GABRG3: variants seen among roughly 807,000 people sequenced by gnomAD.
GABRG3 encodes gamma-aminobutyric acid receptor subunit gamma-3.
GABRG3 carries 25 observed loss-of-function variants against 48.8 expected under a neutral mutation model. The observed-to-expected ratio is 0.51, with a 90% CI of 0.37 to 0.72. The LOEUF is 0.72. Ranked by LOEUF, GABRG3 falls within the 30% of genes least tolerant of loss-of-function variation. The pLI is 0.00. For synonymous variants in GABRG3, 227 were observed against 217.6 expected (o/e 1.04, Z -0.38); for missense variants, 394 against 577.9 (o/e 0.68, Z 3.26).
intron 3 of GABRG3, among the ~76,000 whole-genome samples, chr15:27,106,159 G>A (rs1255238809): frequency 6.6e-6 from 1 of 152,008 alleles, no homozygotes; most frequent in African/African-American, 2.4e-5. Flanking sequence ...TATATCAGAG[G>A]ATACAAAGTA....
intron 3 of GABRG3, among the ~76,000 whole-genome samples, chr15:27,136,783 T>A (rs1898015809): frequency 6.6e-6 from 1 of 152,114 alleles, no homozygotes; most frequent in East Asian, 1.9e-4. Flanking sequence ...AAGGGGTAAG[T>A]CACAACATCT....
intron 3 of GABRG3, among the ~76,000 whole-genome samples, chr15:27,093,592 G>C (rs1264554270): frequency 2.0e-5 from 3 of 152,066 alleles, no homozygotes; most frequent in East Asian, 1.9e-4. Context: ...GATTATGCAT[G>C]GTCGTAGCTA....
At chr15:27,346,007 T>C (rs1362465048) in intron 5 of GABRG3, among the ~76,000 whole-genome samples, 3 of 148,986 alleles carry the variant, frequency 2.0e-5, no homozygotes, top group Non-Finnish European at 4.4e-5. Flanking sequence ...TGAGCCAAGA[T>C]TGCACTGCTG....
chr15:27,090,487 G>A (rs757460310), intron 3 of GABRG3, among the ~76,000 whole-genome samples: 40 of 152,088 alleles, frequency 2.6e-4, no homozygotes, highest in African/African-American at 6.3e-4. Flanking sequence ...CAGCTGCACC[G>A]TTTTACAGTT....
intron 6 of GABRG3, among the ~76,000 whole-genome samples, chr15:27,516,271 G>C (rs992999791): frequency 6.6e-6 from 1 of 152,068 alleles, no homozygotes; most frequent in Admixed American, 6.5e-5. Flanking sequence ...TAAACTAATT[G>C]TATGAAGTGT....
At chr15:27,164,359 A>C (rs577058093) in intron 3 of GABRG3, among the ~76,000 whole-genome samples, 46 of 152,292 alleles carry the variant, frequency 3.0e-4, no homozygotes, top group African/African-American at 1.1e-3. Context: ...CGGTAAATCA[A>C]AGTTGTCATT....
intron 5 of GABRG3, among the ~76,000 whole-genome samples, chr15:27,460,383 A>G (rs1171982026): frequency 6.6e-6 from 1 of 152,180 alleles, no homozygotes; most frequent in Non-Finnish European, 1.5e-5. Flanking sequence ...CTGAGGCCAA[A>G]CACAAACATC....
At chr15:27,469,034 C>A (rs1186380732) in intron 5 of GABRG3, among the ~76,000 whole-genome samples, 1 of 152,110 alleles carries the variant, frequency 6.6e-6, no homozygotes, top group Non-Finnish European at 1.5e-5. Flanking sequence ...ACCTTCCAAC[C>A]AACAGCAGTA....
intron 3 of GABRG3, among the ~76,000 whole-genome samples, chr15:27,094,608 G>A (rs1419636173): frequency 6.6e-6 from 1 of 152,160 alleles, no homozygotes; most frequent in South Asian, 2.1e-4. Context: ...GCAGGGAGCA[G>A]GGAGAGCCTT....
At chr15:27,312,270 G>T (rs1893023183) in intron 3 of GABRG3, among the ~76,000 whole-genome samples, 2 of 152,026 alleles carry the variant, frequency 1.3e-5, no homozygotes, top group South Asian at 4.1e-4. Flanking sequence ...GCAAAAATAA[G>T]AAAAGAATAA....
At chr15:27,285,443 G>T (rs143310809) in intron 3 of GABRG3, among the ~76,000 whole-genome samples, 1 of 151,974 alleles carries the variant, frequency 6.6e-6, no homozygotes, top group Non-Finnish European at 1.5e-5. Context: ...CCAGAAAAAT[G>T]GAATTACAAT....
At chr15:27,216,780 T>TAA (rs1889271194) in intron 3 of GABRG3, among the ~76,000 whole-genome samples, 1 of 48,534 alleles carries the variant, frequency 2.1e-5, no homozygotes, top group Non-Finnish European at 4.7e-5. Flanking sequence ...ATTTTTTAAT[T>TAA]TTTTTTTTTA....
intron 3 of GABRG3, among the ~76,000 whole-genome samples, chr15:27,145,601 ATC>A (rs1403766960): frequency 3.2e-5 from 2 of 62,420 alleles, no homozygotes; most frequent in East Asian, 3.3e-4. Context: ...ACATATATCT[ATC>A]TCTATCTATC....
intron 3 of GABRG3, among the ~76,000 whole-genome samples, chr15:27,150,346 T>C (rs547896078): frequency 6.6e-6 from 1 of 152,332 alleles, no homozygotes; most frequent in African/African-American, 2.4e-5. Context: ...TGTTTGAATA[T>C]TTTACAACCA....
chr15:27,134,746 TCCA>T (rs1290516034), intron 3 of GABRG3, among the ~76,000 whole-genome samples: 8 of 152,194 alleles, frequency 5.3e-5, no homozygotes. Flanking sequence ...GGTCTTGCCC[TCCA>T]CAGAGGTACT....
At chr15:26,980,531 T>C (rs997190140) in intron 2 of GABRG3, among the ~76,000 whole-genome samples, 3 of 151,830 alleles carry the variant, frequency 2.0e-5, no homozygotes, top group African/African-American at 7.3e-5. Context: ...ACAGAAAAAT[T>C]AGCCAGGCGT....
chr15:26,993,337 C>T (rs879797437), intron 2 of GABRG3, among the ~76,000 whole-genome samples: 6 of 151,956 alleles, frequency 3.9e-5, no homozygotes, highest in Non-Finnish European at 7.4e-5. Context: ...TATGTAGGCA[C>T]TTACAGCTAT....
chr15:27,466,716 G>A (rs1889623976), intron 5 of GABRG3, among the ~76,000 whole-genome samples: 2 of 152,184 alleles, frequency 1.3e-5, no homozygotes, highest in South Asian at 4.1e-4. Flanking sequence ...CTAGTTGGAA[G>A]CACAGAGAGA....
intron 3 of GABRG3, among the ~76,000 whole-genome samples, chr15:27,227,942 T>C (rs1889675972): frequency 1.3e-5 from 2 of 152,262 alleles, no homozygotes; most frequent in Admixed American, 1.3e-4. Flanking sequence ...TTAATTGTCT[T>C]AGTGCATGTT....
Sources: allele counts gnomAD v4.1 joint callset (sites outside exome capture counted in the v4.1 genomes callset), GRCh38; gene constraint gnomAD v4.1.1; transcripts MANE v1.5; gene names NCBI Gene and HGNC (gene_info 2026-07-23, HGNC 2026-07-21).